TMEM117: variants seen among roughly 807,000 people sequenced by gnomAD.
The protein encoded by TMEM117 is transmembrane protein 117.
Under a neutral mutation model 52.4 loss-of-function variants are expected in TMEM117, and 27 were observed. The observed-to-expected ratio is 0.51, with a 90% CI of 0.38 to 0.71. TMEM117 has a LOEUF of 0.71. Among genes scored for constraint, TMEM117 ranks in the 30% least tolerant of loss-of-function variants. The pLI, the probability that TMEM117 is intolerant of heterozygous loss-of-function variation, is 0.00. For synonymous variants in TMEM117, 215 were observed against 206.3 expected, an observed-to-expected ratio of 1.04 and a Z score of -0.36; for missense variants, 556 against 630.5, an observed-to-expected ratio of 0.88 and a Z score of 1.26.
chr12:43,816,793 T>A, the TMEM117 span, among the ~76,000 whole-genome samples: 1 of 152,232 alleles, frequency 6.6e-6, no homozygotes, highest in Non-Finnish European at 1.5e-5. Flanking sequence ...GTTGAAGTTA[T>A]TGAAAATAAA....
intron 4 of TMEM117, among the ~76,000 whole-genome samples, chr12:44,162,366 G>A (rs1456574170): frequency 6.6e-6 from 1 of 152,026 alleles, no homozygotes; most frequent in African/African-American, 2.4e-5. Context: ...ATGCCCTCAG[G>A]GTGCATTTTC....
chr12:43,841,847 A>ATGGTATTTCAG (rs1432031795), intron 1 of TMEM117, among the ~76,000 whole-genome samples: 1 of 152,088 alleles, frequency 6.6e-6, no homozygotes, highest in Non-Finnish European at 1.5e-5. Flanking sequence ...AATGATAATA[A>ATGGTATTTCAG]TGGTATTTCA....
chr12:44,218,738 A>G (rs899290151), intron 5 of TMEM117, among the ~76,000 whole-genome samples: 1 of 152,234 alleles, frequency 6.6e-6, no homozygotes, highest in Non-Finnish European at 1.5e-5. Flanking sequence ...TTACCTCTGT[A>G]GTGAAGTCTC....
rs199737713 is a variant in TMEM117 at position 43,849,493 on chromosome 12, A to G, written c.277+4565A>G. Among the ~76,000 whole-genome samples the G allele has an allele frequency of 9.2e-5, 14 of 152,340 alleles. No individual in the cohort carries two copies. The East Asian group carries it at 2.7e-3, about 29-fold the overall frequency. ...GTTGCAAACTTTTATCTCTTATACT[A>G]AAATCACATTTCAGTTATGGCTTAG... On this transcript the variant is annotated intron_variant, in intron 2 of 7. Coordinates refer to ENST00000266534, the MANE Select transcript of TMEM117 (RefSeq NM_032256.3).
the TMEM117 span, among the ~76,000 whole-genome samples, chr12:43,826,804 C>T: frequency 6.6e-6 from 1 of 152,030 alleles, no homozygotes; most frequent in South Asian, 2.1e-4. Context: ...ATGCAAGCCT[C>T]ATTCTAATAG....
At chr12:44,025,746 G>A (rs1298848852) in intron 3 of TMEM117, among the ~76,000 whole-genome samples, 1 of 152,128 alleles carries the variant, frequency 6.6e-6, no homozygotes, top group African/African-American at 2.4e-5. Flanking sequence ...CATTTCTAGA[G>A]AAAATTTCTG....
chr12:44,290,428 G>T (rs2138619318), intron 5 of TMEM117, among the ~76,000 whole-genome samples: 1 of 152,106 alleles, frequency 6.6e-6, no homozygotes, highest in African/African-American at 2.4e-5. Flanking sequence ...TCTTTCTTTT[G>T]TATGTGGATA....
In TMEM117 at chr12:44,044,987, T is replaced by C. The variant is rs147744175; in HGVS notation, c.411-98538T>C. Among the ~76,000 whole-genome samples the C allele has an allele frequency of 1.2e-4, 19 of 152,304 alleles. 1 individual carries two copies. The East Asian group carries it at 3.7e-3, about 29-fold the overall frequency. Reference sequence around the variant, plus strand: ...GAAATTTGGGGAAGAGATATGTGGATGGAACTCTCTGAGTGGTTAGAAACT... The same window carrying C: ...GAAATTTGGGGAAGAGATATGTGGACGGAACTCTCTGAGTGGTTAGAAACT... On this transcript the variant is annotated intron_variant, in intron 3 of 7. Coordinates refer to ENST00000266534, the MANE Select transcript of TMEM117 (RefSeq NM_032256.3).
At chr12:44,197,233 G>T (rs1278483778) in intron 4 of TMEM117, among the ~76,000 whole-genome samples, 2 of 151,934 alleles carry the variant, frequency 1.3e-5, no homozygotes, top group African/African-American at 4.8e-5. Context: ...GCTCCTTTGT[G>T]GATAATATTT....
chr12:44,281,122 C>T (rs73086766), intron 5 of TMEM117, among the ~76,000 whole-genome samples: 2 of 152,058 alleles, frequency 1.3e-5, no homozygotes, highest in Admixed American at 6.5e-5. Context: ...AAAAATCTTT[C>T]CCCTTAGAAT....
Position 44,122,961 on chromosome 12 carries a change from C to G in TMEM117, c.411-20564C>G, listed in dbSNP as rs200899374. ...ATTGCTGGTCAAATGCTATTTCTGCCTCTAGGTCTTTGAGGAATTGCCACA... is the reference window on the plus strand; with the variant it reads ...ATTGCTGGTCAAATGCTATTTCTGCGTCTAGGTCTTTGAGGAATTGCCACA... On this transcript the variant is annotated intron_variant, in intron 3 of 7. Coordinates refer to ENST00000266534, the MANE Select transcript of TMEM117 (RefSeq NM_032256.3). Among the ~76,000 whole-genome samples the G allele has an allele frequency of 1.1e-4, 17 of 152,232 alleles. No homozygotes were observed. In the East Asian group the frequency reaches 3.1e-3, roughly 28 times the overall value.
chr12:44,096,515 G>A (rs1309319706), intron 3 of TMEM117, among the ~76,000 whole-genome samples: 1 of 151,976 alleles, frequency 6.6e-6, no homozygotes, highest in African/African-American at 2.4e-5. Context: ...CCAAAACAGA[G>A]ATATAGATCA....
chr12:44,219,769 T>C (rs1271553700), intron 5 of TMEM117, among the ~76,000 whole-genome samples: 1 of 152,148 alleles, frequency 6.6e-6, no homozygotes, highest in Admixed American at 6.5e-5. Context: ...ATAACTGTAC[T>C]CCTTGGAAAA....
intron 2 of TMEM117, among the ~76,000 whole-genome samples, chr12:43,864,746 G>A (rs1245399473): frequency 1.3e-5 from 2 of 152,212 alleles, no homozygotes; most frequent in African/African-American, 4.8e-5. Context: ...TCAGCAGGAT[G>A]TGGGTTGGGC....
chr12:44,280,625 A>G (rs549508215), intron 5 of TMEM117, among the ~76,000 whole-genome samples: 1 of 152,208 alleles, frequency 6.6e-6, no homozygotes, highest in South Asian at 2.1e-4. Flanking sequence ...ATTGGCAGCA[A>G]GTTACTTAAG....
chr12:43,874,485 G>A (rs913827209), intron 2 of TMEM117, among the ~76,000 whole-genome samples: 1 of 152,034 alleles, frequency 6.6e-6, no homozygotes, highest in Non-Finnish European at 1.5e-5. Context: ...CAGTTACTCA[G>A]GAGGCTGAGG....
At chr12:44,104,950 G>A (rs1268755325) in intron 3 of TMEM117, among the ~76,000 whole-genome samples, 1 of 151,796 alleles carries the variant, frequency 6.6e-6, no homozygotes, top group Admixed American at 6.6e-5. Context: ...ATGCCTAGAT[G>A]TAGACTTTTG....
chr12:44,224,891 A>T (rs1478978427), intron 5 of TMEM117, among the ~76,000 whole-genome samples: 1 of 152,014 alleles, frequency 6.6e-6, no homozygotes, highest in African/African-American at 2.4e-5. Context: ...CTCTCTTCCC[A>T]ACCTCCCCAA....
chr12:43,852,950 ATTAC>A (rs1943336176), intron 2 of TMEM117, among the ~76,000 whole-genome samples: 1 of 152,216 alleles, frequency 6.6e-6, no homozygotes, highest in Admixed American at 6.5e-5. Flanking sequence ...CATTGAAGGT[ATTAC>A]TTAGCTGAAA....
Sources: allele counts gnomAD v4.1 joint callset (sites outside exome capture counted in the v4.1 genomes callset), GRCh38; gene constraint gnomAD v4.1.1; transcripts MANE v1.5; gene names NCBI Gene and HGNC (gene_info 2026-07-23, HGNC 2026-07-21).